The following CPS1 variants were observed in gnomAD, a reference collection of about 807,000 sequenced individuals.
The protein encoded by CPS1 is carbamoyl-phosphate synthase [ammonia], mitochondrial.
In CPS1, 109 loss-of-function variants were observed where a neutral mutation model predicts 174.6. That is an observed-to-expected ratio of 0.62 (90% CI 0.53 to 0.73). The LOEUF is 0.73. CPS1 is among the 30% of genes least tolerant of loss of function. The pLI is 0.00. For synonymous variants in CPS1, 637 were observed against 632.0 expected, an observed-to-expected ratio of 1.01 and a Z score of -0.12; for missense variants, 1,689 against 1,821.9, an observed-to-expected ratio of 0.93 and a Z score of 1.33.
chr2:210,676,903 C>A, intron 36 of CPS1, 104 bp from the exon 37 acceptor site: 2 of 1,041,796 alleles, frequency 1.9e-6, no homozygotes, highest in Non-Finnish European at 1.5e-6. Context: ...GTCAACTCAG[C>A]ATGGCATTGA....
At chr2:210,638,509 C>T (rs1394344435) in intron 22 of CPS1, among the ~76,000 whole-genome samples, 1 of 152,160 alleles carries the variant, frequency 6.6e-6, no homozygotes, top group Non-Finnish European at 1.5e-5. Context: ...CGTGCATACC[C>T]TTAGGTCTCA....
intron 14 of CPS1, among the ~76,000 whole-genome samples, chr2:210,599,994 C>A (rs1329778264): frequency 6.6e-6 from 1 of 151,876 alleles, no homozygotes; most frequent in Non-Finnish European, 1.5e-5. Flanking sequence ...TTACTTCATA[C>A]TTCTGCTGAG....
At chr2:210,479,815 A>G (rs1286428386) in intron 1 of CPS1, among the ~76,000 whole-genome samples, 1 of 152,168 alleles carries the variant, frequency 6.6e-6, no homozygotes, top group Non-Finnish European at 1.5e-5. Context: ...TTTTAAAAAA[A>G]TGTAATGTTC....
At position 210,640,059 on chromosome 2, in the gene CPS1, G is replaced by A; in HGVS notation, c.2959G>A (p.Gly987Ser). 2 of 1,585,184 alleles carry A rather than the reference G, an allele frequency of 1.3e-6. No individual in the cohort carries two copies. The highest frequency in any genetic ancestry group is 1.3e-5 in the African/African-American group (1 of 74,294). The change falls in exon 24 of 38, where the codon GGC becomes AGC. Residue 987 changes from glycine (G) to serine (S), a missense_variant and splice_region_variant. Physicochemically the swap from Gly to Ser is moderately conservative, Grantham distance 56. Coordinates refer to ENST00000233072, the MANE Select transcript of CPS1 (RefSeq NM_001875.5). ...MVLGCGPYHI[G>S]SSVEFDWCAV... ...GCTAGGCTGTGGTCCATATCACATT[G>A]GTAAAATAATAAATTATGTGTATAT...
chr2:210,677,665 G>A (rs1232901163), intron 37 of CPS1, among the ~76,000 whole-genome samples: 1 of 152,160 alleles, frequency 6.6e-6, no homozygotes, highest in Non-Finnish European at 1.5e-5. Flanking sequence ...CCTATGGGAG[G>A]AGAAATAAGC....
At chr2:210,582,375 T>G (rs780684107) in intron 5 of CPS1, among the ~76,000 whole-genome samples, 11 of 152,188 alleles carry the variant, frequency 7.2e-5, no homozygotes, top group Non-Finnish European at 1.5e-5. Flanking sequence ...TGACTTTGCC[T>G]TCATCAGGCA....
At chr2:210,636,664 T>C (rs541872551) in intron 21 of CPS1, among the ~76,000 whole-genome samples, 3 of 152,022 alleles carry the variant, frequency 2.0e-5, no homozygotes, top group Non-Finnish European at 4.4e-5. Context: ...TGTATGATTC[T>C]ATGTCCATCG....
At chr2:210,586,757 C>T (rs1300446066) in intron 6 of CPS1, among the ~76,000 whole-genome samples, 2 of 151,968 alleles carry the variant, frequency 1.3e-5, no homozygotes, top group Non-Finnish European at 2.9e-5. Flanking sequence ...TGAAAGCTGG[C>T]TCCTTTGTTT....
At chr2:210,602,436 A>T (rs1698760217) in intron 16 of CPS1, 106 bp downstream of exon 16, 4 of 1,388,626 alleles carry the variant, frequency 2.9e-6, no homozygotes, top group Non-Finnish European at 4.1e-6. Flanking sequence ...TTTCTTTATT[A>T]AATCATGATC....
In CPS1 at chr2:210,573,343, G is replaced by A; in HGVS notation, c.172G>A (p.Gly58Ser). The A allele has an allele frequency of 1.2e-6, 2 of 1,613,232 alleles. No homozygotes were observed. Among genetic ancestry groups the A allele is most frequent in the Non-Finnish European group, 1.7e-6 (2 of 1,179,306 alleles). ...IVLEDGTKMK[G>S]YSFGHPSSVA... is the part of the protein sequence containing the mutation. ...CCTGGAAGATGGAACTAAGATGAAA[G>A]GTTACTCCTTTGGCCATCCATCCTC... The change falls in exon 2 of 38, where the codon GGT becomes AGT. Residue 58 changes from glycine (G) to serine (S), a missense_variant. Transcript: ENST00000233072.
At chr2:210,532,984 G>A (rs1696153916) in intron 1 of CPS1, among the ~76,000 whole-genome samples, 1 of 152,150 alleles carries the variant, frequency 6.6e-6, no homozygotes, top group African/African-American at 2.4e-5. Flanking sequence ...AAGCTAATGT[G>A]GGTAGTGGAC....
chr2:210,496,629 C>T (rs1694998302), intron 1 of CPS1, among the ~76,000 whole-genome samples: 1 of 152,086 alleles, frequency 6.6e-6, no homozygotes, highest in Non-Finnish European at 1.5e-5. Flanking sequence ...TCAGAGGATA[C>T]TGAATAGAGA....
intron 1 of CPS1, among the ~76,000 whole-genome samples, chr2:210,486,215 T>C (rs1202658103): frequency 6.6e-6 from 1 of 150,878 alleles, no homozygotes; most frequent in Non-Finnish European, 1.5e-5. Context: ...CCTTCCCCCA[T>C]TCCCAGCTTT....
chr2:210,601,908 A>G (rs181207848), intron 15 of CPS1, among the ~76,000 whole-genome samples: 15 of 151,928 alleles, frequency 9.9e-5, no homozygotes, highest in Admixed American at 7.2e-4. Flanking sequence ...TCTCAAATGA[A>G]TGATGATTAT....
chr2:210,544,990 C>T (rs1696524576), intron 1 of CPS1, among the ~76,000 whole-genome samples: 1 of 151,856 alleles, frequency 6.6e-6, no homozygotes, highest in South Asian at 2.1e-4. Context: ...GTCTCCTGAA[C>T]TTTGAAGCCA....
intron 1 of CPS1, among the ~76,000 whole-genome samples, chr2:210,504,662 C>T (rs1695231447): frequency 6.6e-6 from 1 of 152,162 alleles, no homozygotes; most frequent in South Asian, 2.1e-4. Flanking sequence ...GATAGATTCT[C>T]CAATTGGATA....
At chr2:210,619,331 C>A (rs570666474) in intron 21 of CPS1, 1 of 152,158 alleles carries the variant, frequency 6.6e-6, no homozygotes, top group East Asian at 1.9e-4. Context: ...TTCTCTTAAT[C>A]TCTGCTTCTA....
intron 8 of CPS1, 24 bp downstream of exon 8, chr2:210,590,258 T>C (rs1698249486): frequency 6.2e-7 from 1 of 1,612,062 alleles, no homozygotes; most frequent in Non-Finnish European, 8.5e-7. Flanking sequence ...TGAATTCATG[T>C]GTATCTGTGT....
chr2:210,612,919 A>G (rs1385566516), intron 20 of CPS1, among the ~76,000 whole-genome samples: 2 of 151,900 alleles, frequency 1.3e-5, no homozygotes, highest in African/African-American at 2.4e-5. Context: ...CTACTTTTAT[A>G]TTTACTGTGC....
Sources: gnomAD v4.1 joint callset for allele counts (sites outside exome capture counted in the v4.1 genomes callset) on GRCh38, gnomAD v4.1.1 for gene constraint, MANE v1.5 for transcripts, NCBI Gene and HGNC (gene_info 2026-07-23, HGNC 2026-07-21) for gene names.